Variants in CDH12 observed in about 807,000 individuals in gnomAD.
CDH12 encodes the protein cadherin-12.
In CDH12, 41 loss-of-function variants were observed where a neutral mutation model predicts 74.1. That is an observed-to-expected ratio of 0.55 (90% confidence interval 0.43 to 0.72). The LOEUF (loss-of-function observed/expected upper bound fraction) is 0.72. CDH12 is among the 30% of genes least tolerant of loss of function. The probability of loss-of-function intolerance (pLI) is 0.00; values close to 1 mark genes in which losing one functional copy is unlikely to be tolerated. For synonymous variants in CDH12, 399 were observed against 355.0 expected, an observed-to-expected ratio of 1.12 and a Z score of -1.39; for missense variants, 945 against 977.2, an observed-to-expected ratio of 0.97 and a Z score of 0.44.
chr5:22,384,924 GGT>G (rs1259447954), intron 3 of CDH12, among the ~76,000 whole-genome samples: 1 of 151,856 alleles, frequency 6.6e-6, no homozygotes, highest in Non-Finnish European at 1.5e-5. Context: ...TGTTCTCTAG[GGT>G]CCATGTGTTG....
intron 8 of CDH12, among the ~76,000 whole-genome samples, chr5:21,822,492 G>A (rs758548102): frequency 3.3e-5 from 5 of 152,010 alleles, no homozygotes; most frequent in Non-Finnish European, 5.9e-5. Context: ...AAAGCCTGAG[G>A]CTGTATTTTC....
intron 2 of CDH12, among the ~76,000 whole-genome samples, chr5:22,440,889 C>T (rs1478229413): frequency 8.5e-5 from 13 of 152,054 alleles, no homozygotes; most frequent in Admixed American, 8.5e-4. Flanking sequence ...GTTACAGGCA[C>T]GGAAATACGG....
intron 2 of CDH12, among the ~76,000 whole-genome samples, chr5:22,501,033 C>CA (rs1351766171): frequency 2.0e-5 from 3 of 148,484 alleles, no homozygotes; most frequent in Admixed American, 1.3e-4. Flanking sequence ...TGACCTATCA[C>CA]AAAAAATCAA....
chr5:22,515,567 A>G (rs557176811), intron 1 of CDH12, among the ~76,000 whole-genome samples: 2 of 152,222 alleles, frequency 1.3e-5, no homozygotes, highest in South Asian at 2.1e-4. Context: ...ATAATTATTT[A>G]GAAATGGAAG....
chr5:22,047,048 A>G (rs144194803), intron 5 of CDH12, among the ~76,000 whole-genome samples: 46 of 152,268 alleles, frequency 3.0e-4, no homozygotes, highest in Non-Finnish European at 6.2e-4. Context: ...CTGAAAACAC[A>G]CACTACTCAG....
intron 5 of CDH12, among the ~76,000 whole-genome samples, chr5:22,058,434 A>G (rs572764048): frequency 2.0e-5 from 3 of 152,270 alleles, no homozygotes; most frequent in African/African-American, 7.2e-5. Flanking sequence ...GTATTTATAA[A>G]AGTACAAATG....
At position 22,369,852 on chromosome 5, in the gene CDH12, C is replaced by T. The variant is rs560293288; in HGVS notation, c.-333+35405G>A. On this transcript the variant is annotated intron_variant, in intron 3 of 14. Coordinates refer to ENST00000382254, the MANE Select transcript of CDH12 (RefSeq NM_004061.5). ...CTGTCAGAATATGTGAAAACCCTGT[C>T]TTTTAGAAAGAAAAATAGTGAATAA... Among the ~76,000 whole-genome samples the T allele has an allele frequency of 1.2e-3, 177 of 152,202 alleles. 1 individual carries two copies. Among genetic ancestry groups the T allele is most frequent in the Admixed American group, 4.1e-3 (62 of 15,288 alleles).
intron 3 of CDH12, among the ~76,000 whole-genome samples, chr5:22,354,457 T>C (rs1740481283): frequency 6.6e-6 from 1 of 152,114 alleles, no homozygotes; most frequent in African/African-American, 2.4e-5. Context: ...AAATAGAAGA[T>C]ACAGATTATT....
At chr5:22,843,613 GGTGTGTGTGTGTGTGTGTGTGTGT>G (rs3050972) in intron 1 of CDH12, among the ~76,000 whole-genome samples, 1 of 147,786 alleles carries the variant, frequency 6.8e-6, no homozygotes, top group African/African-American at 2.5e-5. Context: ...TAACATTTGT[GGTGTGTGTGTGTGTGTGTGTGTGT>G]GTGTGTGTGT....
chr5:21,978,093 T>C (rs1757146210), intron 5 of CDH12, among the ~76,000 whole-genome samples: 1 of 152,160 alleles, frequency 6.6e-6, no homozygotes, highest in Non-Finnish European at 1.5e-5. Flanking sequence ...ATTTCAACAG[T>C]GAAAGGTATA....
chr5:22,761,049 C>T (rs2127055555), intron 1 of CDH12, among the ~76,000 whole-genome samples: 1 of 152,300 alleles, frequency 6.6e-6, no homozygotes, highest in Admixed American at 6.5e-5. Context: ...AGAGCTCATA[C>T]ATGATGTTAT....
chr5:22,792,779 G>C (rs1417944100), intron 1 of CDH12, among the ~76,000 whole-genome samples: 1 of 152,158 alleles, frequency 6.6e-6, no homozygotes, highest in Admixed American at 6.5e-5. Context: ...GGTCATCAGT[G>C]TAATTTTACC....
chr5:22,668,127 T>C (rs1740712926), intron 1 of CDH12, among the ~76,000 whole-genome samples: 1 of 152,200 alleles, frequency 6.6e-6, no homozygotes, highest in Admixed American at 6.5e-5. Flanking sequence ...TTGTGCTACT[T>C]AGTCTTTCTA....
At chr5:21,947,222 A>G (rs1286270544) in intron 6 of CDH12, among the ~76,000 whole-genome samples, 4 of 152,110 alleles carry the variant, frequency 2.6e-5, no homozygotes, top group African/African-American at 9.7e-5. Flanking sequence ...CTAATAGAGT[A>G]AATTGGTACT....
chr5:22,802,208 GCCT>G (rs200384217), intron 1 of CDH12, among the ~76,000 whole-genome samples: 3,576 of 146,054 alleles, frequency 0.024, 141 homozygotes, highest in African/African-American at 0.087. Context: ...TGCAAGCTCT[GCCT>G]CCTGGGTTCA....
chr5:22,475,951 A>G (rs1392275639), intron 2 of CDH12, among the ~76,000 whole-genome samples: 2 of 152,068 alleles, frequency 1.3e-5, no homozygotes, highest in Non-Finnish European at 2.9e-5. Context: ...AATAAAAACT[A>G]GTAATGAGAA....
At chr5:22,648,633 A>G (rs1439951526) in intron 1 of CDH12, among the ~76,000 whole-genome samples, 1 of 151,924 alleles carries the variant, frequency 6.6e-6, no homozygotes, top group Non-Finnish European at 1.5e-5. Context: ...TATATTTCTT[A>G]TAGACACAGG....
intron 1 of CDH12, among the ~76,000 whole-genome samples, chr5:22,804,168 A>G (rs892624944): frequency 2.6e-5 from 4 of 152,166 alleles, no homozygotes; most frequent in African/African-American, 9.6e-5. Flanking sequence ...TGTCTATAGT[A>G]TTTGGCGGCC....
intron 3 of CDH12, among the ~76,000 whole-genome samples, chr5:22,255,989 C>T (rs189481273): frequency 3.6e-4 from 54 of 151,986 alleles, no homozygotes; most frequent in African/African-American, 5.5e-4. Context: ...CACTGTGTAA[C>T]GACCTCTAAA....
Sources: allele counts gnomAD v4.1 joint callset (sites outside exome capture counted in the v4.1 genomes callset), GRCh38; gene constraint gnomAD v4.1.1; transcripts MANE v1.5; gene names NCBI Gene and HGNC (gene_info 2026-07-23, HGNC 2026-07-21).